PRKD1: variants seen among roughly 807,000 people sequenced by gnomAD.
The protein encoded by PRKD1 is protein kinase D1.
In PRKD1, 63 loss-of-function variants were observed where a neutral mutation model predicts 95.9. The ratio of observed to expected loss-of-function variants is 0.66; its 90% confidence interval spans 0.54 to 0.81. The LOEUF is 0.81. Ranked by LOEUF, PRKD1 falls within the 30% of genes least tolerant of loss-of-function variation. The pLI, the probability that PRKD1 is intolerant of heterozygous loss-of-function variation, is 0.00. For missense variants in PRKD1, 1,048 were observed against 1,165.3 expected, an observed-to-expected ratio of 0.90 and a Z score of 1.47; for synonymous variants, 425 against 423.1, an observed-to-expected ratio of 1.00 and a Z score of -0.05.
At chr14:29,715,992 A>G (rs980458685) in intron 2 of PRKD1, among the ~76,000 whole-genome samples, 1 of 152,178 alleles carries the variant, frequency 6.6e-6, no homozygotes, top group Non-Finnish European at 1.5e-5. Flanking sequence ...TTGTGCCATC[A>G]AGGCCCTAAC....
chr14:29,631,273 T>C lies in PRKD1; in HGVS notation c.1393-252A>G, dbSNP rs547722466. ...GTTCATGTGGCGAGAATCAGTATGG[T>C]TAGGAAAAATGATTTTGAATCTTCA... On this transcript the variant is annotated intron_variant, in intron 9 of 17. Coordinates refer to ENST00000331968, the MANE Select transcript of PRKD1 (RefSeq NM_002742.3). Among the ~76,000 whole-genome samples the C allele has an allele frequency of 3.3e-5, 5 of 152,286 alleles. No individual in the cohort carries two copies. The South Asian group carries it at 8.3e-4, about 25-fold the overall frequency.
At chr14:29,593,972 T>C (rs1893214555) in intron 16 of PRKD1, 2 of 319,602 alleles carry the variant, frequency 6.3e-6, no homozygotes, top group South Asian at 2.7e-5. Context: ...CAACAATGTA[T>C]AGTGTAAAGA....
At chr14:29,784,461 G>C (rs559572128) in intron 1 of PRKD1, among the ~76,000 whole-genome samples, 1 of 152,200 alleles carries the variant, frequency 6.6e-6, no homozygotes, top group South Asian at 2.1e-4. Context: ...AGATTGCATT[G>C]AATCTGTAGA....
chr14:29,598,168 C>G (rs531508041), intron 15 of PRKD1, among the ~76,000 whole-genome samples: 1 of 151,632 alleles, frequency 6.6e-6, no homozygotes, highest in Admixed American at 6.6e-5. Context: ...CCCAGCTATT[C>G]GAGAGGCTGA....
intron 16 of PRKD1, among the ~76,000 whole-genome samples, chr14:29,593,671 T>C (rs1893205789): frequency 6.6e-6 from 1 of 152,180 alleles, no homozygotes; most frequent in Non-Finnish European, 1.5e-5. Flanking sequence ...AGCTGAGAGA[T>C]GGCGAAACAA....
intron 13 of PRKD1, among the ~76,000 whole-genome samples, chr14:29,612,964 G>A (rs926261920): frequency 1.3e-5 from 2 of 152,122 alleles, no homozygotes; most frequent in African/African-American, 2.4e-5. Flanking sequence ...CGGGCTTGCT[G>A]GTGGGTGCCT....
At chr14:29,897,376 G>T (rs929124460) in intron 1 of PRKD1, among the ~76,000 whole-genome samples, 1 of 151,918 alleles carries the variant, frequency 6.6e-6, no homozygotes, top group Non-Finnish European at 1.5e-5. Flanking sequence ...GGGTATTACC[G>T]CACAAATAAT....
At chr14:29,820,558 T>C (rs1271013385) in intron 1 of PRKD1, among the ~76,000 whole-genome samples, 3 of 152,140 alleles carry the variant, frequency 2.0e-5, no homozygotes, top group Non-Finnish European at 4.4e-5. Context: ...AATCAACTAA[T>C]AACACAAGAG....
At chr14:29,766,036 T>A (rs925072770) in intron 1 of PRKD1, among the ~76,000 whole-genome samples, 5 of 151,530 alleles carry the variant, frequency 3.3e-5, no homozygotes, top group African/African-American at 1.2e-4. Flanking sequence ...TATTTCACAG[T>A]GAAAACAATA....
intron 13 of PRKD1, among the ~76,000 whole-genome samples, chr14:29,609,062 C>T (rs773228013): frequency 7.9e-5 from 12 of 152,144 alleles, no homozygotes; most frequent in Admixed American, 1.3e-4. Flanking sequence ...GTTACATCAA[C>T]GAGGTCATGA....
Position 29,626,692 on chromosome 14 carries a change from G to T in PRKD1, c.1726-136C>A, listed in dbSNP as rs45471407. 373 of 365,406 alleles carry T rather than the reference G, an allele frequency of 1.0e-3. 2 individuals are homozygous for T. The highest frequency in any genetic ancestry group is 7.6e-3 in the African/African-American group (347 of 45,720). 22.6% of individuals were successfully genotyped at this position (365,406 alleles called of 1,614,324 possible). ...ATTATAAATGCTAGATGAAATCTGA[G>T]ATGACTGTAATATTCAAAGCACACT... is the stretch of plus-strand genomic sequence containing the variant. On this transcript the variant is annotated intron_variant, in intron 11 of 17. Transcript: ENST00000331968.
intron 1 of PRKD1, among the ~76,000 whole-genome samples, chr14:29,917,732 A>C (rs529160203): frequency 6.6e-6 from 1 of 152,142 alleles, no homozygotes; most frequent in Non-Finnish European, 1.5e-5. Flanking sequence ...TACTGAAACA[A>C]GCTTCAACTG....
At chr14:29,637,234 T>C (rs1057388727) in intron 6 of PRKD1, among the ~76,000 whole-genome samples, 3 of 152,242 alleles carry the variant, frequency 2.0e-5, no homozygotes, top group African/African-American at 4.8e-5. Context: ...CACTGATTCT[T>C]ACTATTGGAG....
chr14:29,630,222 C>T (rs1007698908), intron 10 of PRKD1, among the ~76,000 whole-genome samples: 2 of 152,110 alleles, frequency 1.3e-5, no homozygotes, highest in Non-Finnish European at 2.9e-5. Flanking sequence ...TCACTGCAAC[C>T]TATGCTTCCT....
intron 2 of PRKD1, among the ~76,000 whole-genome samples, chr14:29,683,070 T>C (rs1251561934): frequency 6.6e-6 from 1 of 152,038 alleles, no homozygotes; most frequent in Admixed American, 6.6e-5. Flanking sequence ...GTAGAGATGG[T>C]GTGAGATCAT....
At chr14:29,639,493 C>T (rs1047957103) in intron 4 of PRKD1, among the ~76,000 whole-genome samples, 3 of 152,016 alleles carry the variant, frequency 2.0e-5, no homozygotes, top group Non-Finnish European at 4.4e-5. Flanking sequence ...GTGGTGCTCG[C>T]CTGTAATCCC....
intron 1 of PRKD1, among the ~76,000 whole-genome samples, chr14:29,831,887 G>C (rs529258138): frequency 6.6e-6 from 1 of 152,032 alleles, no homozygotes; most frequent in Non-Finnish European, 1.5e-5. Flanking sequence ...GTATGTTGCT[G>C]TATTAGTCCA....
chr14:29,584,948 C>G (rs903774494), intron 16 of PRKD1, among the ~76,000 whole-genome samples: 1 of 152,172 alleles, frequency 6.6e-6, no homozygotes, highest in Non-Finnish European at 1.5e-5. Context: ...TCTCTCCACC[C>G]CAAATTATTC....
intron 1 of PRKD1, among the ~76,000 whole-genome samples, chr14:29,912,436 G>A (rs903317016): frequency 3.9e-5 from 6 of 152,098 alleles, no homozygotes; most frequent in African/African-American, 1.4e-4. Context: ...TTATTTTTCA[G>A]AGCCAGAATA....
Sources: gnomAD v4.1 joint callset for allele counts (sites outside exome capture counted in the v4.1 genomes callset) on GRCh38, gnomAD v4.1.1 for gene constraint, MANE v1.5 for transcripts, NCBI Gene and HGNC (gene_info 2026-07-23, HGNC 2026-07-21) for gene names.